WWOX: variants seen among roughly 807,000 people sequenced by gnomAD.
The protein encoded by WWOX is WW domain-containing oxidoreductase.
WWOX carries 69 observed loss-of-function variants against 46.2 expected under a neutral mutation model. That is an observed-to-expected ratio of 1.49 (90% CI 1.23 to 1.82). WWOX has a LOEUF of 1.82. Among genes scored for constraint, WWOX ranks in the 40% most tolerant of loss-of-function variants. WWOX has a pLI of 0.00. For synonymous variants in WWOX, 359 were observed against 202.6 expected, an observed-to-expected ratio of 1.77 and a Z score of -6.56; for missense variants, 919 against 542.6, an observed-to-expected ratio of 1.69 and a Z score of -6.89.
chr16:79,127,125 G>C (rs1288853177), intron 8 of WWOX, among the ~76,000 whole-genome samples: 1 of 151,722 alleles, frequency 6.6e-6, no homozygotes, highest in Non-Finnish European at 1.5e-5. Context: ...AAAAGTAGAA[G>C]ATAAAAACAA....
chr16:78,155,512 C>T lies in WWOX; in HGVS notation c.410-8671C>T, dbSNP rs545683020. Reference sequence around the variant, plus strand: ...GTGAGCTATTAAGCCTCCATGGCCACGTCATTTTTCTGATTGCATCTGATG... The same window carrying T: ...GTGAGCTATTAAGCCTCCATGGCCATGTCATTTTTCTGATTGCATCTGATG... On this transcript the variant is annotated intron_variant, in intron 4 of 8. Transcript: ENST00000566780. 3.4e-4 allele frequency among the ~76,000 whole-genome samples: 52 copies of T among 152,304 alleles called. No homozygotes were observed. The South Asian group carries it at 9.8e-3, about 29-fold the overall frequency.
At chr16:78,545,806 C>T (rs2044016787) in intron 8 of WWOX, among the ~76,000 whole-genome samples, 2 of 152,154 alleles carry the variant, frequency 1.3e-5, no homozygotes, top group Non-Finnish European at 2.9e-5. Context: ...TTGCAGACGG[C>T]CGCCTTCTTG....
At chr16:78,720,905 C>G (rs1355564737) in intron 8 of WWOX, among the ~76,000 whole-genome samples, 5 of 152,072 alleles carry the variant, frequency 3.3e-5, no homozygotes, top group Non-Finnish European at 5.9e-5. Flanking sequence ...AAGATAAGTT[C>G]CTCCCCCATC....
chr16:78,155,259 AAAGGAAGGAAGGGAAAGGG>A (rs955755015), intron 4 of WWOX, among the ~76,000 whole-genome samples: 11 of 151,890 alleles, frequency 7.2e-5, no homozygotes, highest in South Asian at 2.1e-4. Context: ...GAAGGAAAGA[AAAGGAAGGAAGGGAAAGGG>A]AAGGAAGGAA....
At chr16:78,598,061 C>T (rs545525012) in intron 8 of WWOX, among the ~76,000 whole-genome samples, 4 of 152,272 alleles carry the variant, frequency 2.6e-5, no homozygotes, top group African/African-American at 9.6e-5. Context: ...CCAGACTGCG[C>T]TTCATGAATT....
chr16:79,034,332 G>A (rs966063008), intron 8 of WWOX, among the ~76,000 whole-genome samples: 1 of 152,018 alleles, frequency 6.6e-6, no homozygotes, highest in Non-Finnish European at 1.5e-5. Flanking sequence ...CATCCATTTG[G>A]GCATTGTATA....
At chr16:78,785,554 AAAT>A in intron 8 of WWOX, among the ~76,000 whole-genome samples, 1 of 152,110 alleles carries the variant, frequency 6.6e-6, no homozygotes, top group South Asian at 2.1e-4. Flanking sequence ...TATAATTTAC[AAAT>A]AAGAAGAAGA....
intron 8 of WWOX, among the ~76,000 whole-genome samples, chr16:79,129,330 G>A (rs1345867715): frequency 2.0e-5 from 3 of 149,398 alleles, no homozygotes; most frequent in East Asian, 2.0e-4. Context: ...TGATATGTTC[G>A]TTATGCACAT....
At chr16:78,178,294 G>A (rs766153333) in intron 5 of WWOX, among the ~76,000 whole-genome samples, 7 of 152,172 alleles carry the variant, frequency 4.6e-5, no homozygotes, top group Non-Finnish European at 1.0e-4. Flanking sequence ...TGTTTAAGTT[G>A]TTGCTGTTTT....
chr16:78,988,544 C>T (rs1329832930), intron 8 of WWOX, among the ~76,000 whole-genome samples: 1 of 151,936 alleles, frequency 6.6e-6, no homozygotes, highest in African/African-American at 2.4e-5. Context: ...ACTCCCTCTC[C>T]CCAGGAGAGG....
chr16:79,084,487 C>T (rs1273755887), intron 8 of WWOX, among the ~76,000 whole-genome samples: 1 of 152,034 alleles, frequency 6.6e-6, no homozygotes, highest in African/African-American at 2.4e-5. Context: ...GTGGTACAGT[C>T]TCGGCTCACT....
At chr16:78,920,464 G>T (rs552645966) in intron 8 of WWOX, among the ~76,000 whole-genome samples, 4 of 152,070 alleles carry the variant, frequency 2.6e-5, no homozygotes, top group African/African-American at 7.2e-5. Context: ...TGTGATTTTC[G>T]CTGACCCCGA....
chr16:78,777,552 T>C (rs1393122382), intron 8 of WWOX, among the ~76,000 whole-genome samples: 1 of 152,178 alleles, frequency 6.6e-6, no homozygotes, highest in Non-Finnish European at 1.5e-5. Context: ...GTCAGCTGTT[T>C]ACACTGACAG....
intron 5 of WWOX, among the ~76,000 whole-genome samples, chr16:78,212,755 G>A (rs1346160549): frequency 6.6e-6 from 1 of 152,142 alleles, no homozygotes. Context: ...TGGTAATGCT[G>A]GAAGGCAAAG....
In WWOX at chr16:78,242,694, C is replaced by T. The variant is rs751941671; in HGVS notation, c.516+78405C>T. ...ATGGCTAATAGGGGACAGGAGAGAGCGGAAGCAGAAAGAATAAGAGATATG... is the reference window on the plus strand; with the variant it reads ...ATGGCTAATAGGGGACAGGAGAGAGTGGAAGCAGAAAGAATAAGAGATATG... On this transcript the variant is annotated intron_variant, in intron 5 of 8. Transcript: ENST00000566780. 1.8e-4 allele frequency among the ~76,000 whole-genome samples: 28 copies of T among 152,186 alleles called. 1 individual carries two copies. The highest frequency in any genetic ancestry group is 3.9e-4 in the African/African-American group (16 of 41,516).
chr16:79,173,054 T>C (rs8055765), intron 8 of WWOX, among the ~76,000 whole-genome samples: 78,416 of 152,038 alleles, frequency 0.52, 21,076 homozygotes, highest in East Asian at 0.86. Flanking sequence ...GTGAATCCAT[T>C]TCATTGCATT....
chr16:78,573,375 G>A (rs1489123915), intron 8 of WWOX, among the ~76,000 whole-genome samples: 22 of 152,178 alleles, frequency 1.4e-4, no homozygotes, highest in Admixed American at 1.4e-3. Context: ...TGGCTGTTTT[G>A]TTTTTTCTTC....
At chr16:78,432,969 T>C (rs989888219) in intron 8 of WWOX, among the ~76,000 whole-genome samples, 1 of 152,220 alleles carries the variant, frequency 6.6e-6, no homozygotes, top group African/African-American at 2.4e-5. Flanking sequence ...GATGTGGGTT[T>C]CAGTATCATG....
At chr16:78,800,693 C>A (rs1294058984) in intron 8 of WWOX, among the ~76,000 whole-genome samples, 1 of 152,180 alleles carries the variant, frequency 6.6e-6, no homozygotes, top group Admixed American at 6.5e-5. Context: ...TAGGGGGTTC[C>A]TGACTTCAGG....
Sources: allele counts gnomAD v4.1 joint callset (sites outside exome capture counted in the v4.1 genomes callset), GRCh38; gene constraint gnomAD v4.1.1; transcripts MANE v1.5; gene names NCBI Gene and HGNC (gene_info 2026-07-23, HGNC 2026-07-21).